The following COL4A5 variants were observed in gnomAD, a reference collection of about 807,000 sequenced individuals.
The protein encoded by COL4A5 is collagen alpha-5(IV) chain.
COL4A5 carries 26 observed loss-of-function variants against 130.2 expected under a neutral mutation model. The ratio of observed to expected loss-of-function variants is 0.20; its 90% CI spans 0.15 to 0.28. The LOEUF (loss-of-function observed/expected upper bound fraction) is 0.28, where lower values mean the gene tolerates loss of function less well. Among genes scored for constraint, COL4A5 ranks in the 10% least tolerant of loss-of-function variants. The pLI is 1.00. For missense variants in COL4A5, 1,131 were observed against 1,344.3 expected, an observed-to-expected ratio of 0.84 and a Z score of 2.48; for synonymous variants, 496 against 439.6, an observed-to-expected ratio of 1.13 and a Z score of -1.60.
At chrX:108,457,668 C>T (rs189394525) in intron 1 of COL4A5, among the ~76,000 whole-genome samples, 2 of 111,553 alleles carry the variant, frequency 1.8e-5, no homozygotes, top group African/African-American at 6.5e-5. Context: ...TAACTACTGC[C>T]GTAATCAAGA....
intron 28 of COL4A5, among the ~76,000 whole-genome samples, chrX:108,603,502 T>C (rs2066677827): frequency 8.9e-6 from 1 of 111,989 alleles, no homozygotes; most frequent in Non-Finnish European, 1.9e-5. Context: ...AAAAACCATA[T>C]GCATACCTTA....
intron 1 of COL4A5, among the ~76,000 whole-genome samples, chrX:108,491,139 A>G (rs1218634127): frequency 8.9e-6 from 1 of 111,821 alleles, no homozygotes; most frequent in Non-Finnish European, 1.9e-5. Flanking sequence ...TTTATGGTAG[A>G]ATACTCATGA....
At chrX:108,583,387 C>T (rs2066281865) in intron 17 of COL4A5, among the ~76,000 whole-genome samples, 1 of 111,501 alleles carries the variant, frequency 9.0e-6, no homozygotes, top group South Asian at 3.7e-4. Context: ...GTTTTTTCCC[C>T]CCTACTGGGC....
intron 11 of COL4A5, 23 bp downstream of exon 11, chrX:108,578,010 C>T (rs2066181420): frequency 8.3e-7 from 1 of 1,201,087 alleles, no homozygotes; most frequent in African/African-American, 1.8e-5. Context: ...TTCTTTATAT[C>T]TTTTATTTGG....
At chrX:108,633,056 G>T in intron 36 of COL4A5, among the ~76,000 whole-genome samples, 1 of 111,577 alleles carries the variant, frequency 9.0e-6, no homozygotes, top group East Asian at 2.8e-4. Flanking sequence ...GTTTGCAGAT[G>T]ACATGATTGT....
At chrX:108,606,930 C>T (rs202141742) in intron 29 of COL4A5, 38 bp downstream of exon 29, 3 of 1,197,868 alleles carry the variant, frequency 2.5e-6, no homozygotes, top group Admixed American at 4.4e-5. Context: ...TTGCTTTTAA[C>T]TTTTATAGAA....
At chrX:108,539,420 T>A (rs1178877596) in intron 1 of COL4A5, among the ~76,000 whole-genome samples, 2 of 111,998 alleles carry the variant, frequency 1.8e-5, no homozygotes, top group Non-Finnish European at 3.8e-5. Context: ...GTTTTTGTTG[T>A]TGTAAGTAGA....
rs1274014901 is a variant in COL4A5, at chrX:108,614,957, G to A, written c.2442G>A (p.Gly814=). 1 of 1,208,887 alleles carries A rather than the reference G, an allele frequency of 8.3e-7. No individual in the cohort carries two copies. Among genetic ancestry groups the A allele is most frequent in the African/African-American group, 1.8e-5 (1 of 57,022 alleles). The part of the protein sequence containing the change: ...NGQPGPMGPP[G]LPGIGVQGPP... ...AACCTGGACCAATGGGACCTCCTGG[G>A]CTGCCAGGAATAGGTGTTCAGGGAC... The change falls in exon 30 of 53, where the codon GGG becomes GGA. Residue 814 remains glycine (G), a synonymous_variant. Coordinates refer to ENST00000328300, the MANE Select transcript of COL4A5 (RefSeq NM_033380.3).
At chrX:108,473,595 T>TTATATATATATATATGTATATATATA (rs1569474829) in intron 1 of COL4A5, among the ~76,000 whole-genome samples, 4 of 59,571 alleles carry the variant, frequency 6.7e-5, no homozygotes, top group African/African-American at 1.7e-4. Flanking sequence ...ATATAAAGTT[T>TTATATATATATATATGTATATATATA]TATATATATA....
intron 21 of COL4A5, among the ~76,000 whole-genome samples, chrX:108,593,932 T>C (rs763110415): frequency 6.2e-5 from 7 of 112,407 alleles, no homozygotes; most frequent in African/African-American, 2.3e-4. Context: ...TCTTCTTTTC[T>C]ATATAAACTC....
chrX:108,534,732 C>G (rs1569482284), intron 1 of COL4A5, among the ~76,000 whole-genome samples: 3 of 111,432 alleles, frequency 2.7e-5, no homozygotes, highest in African/African-American at 9.8e-5. Context: ...TCTGTCTTGT[C>G]TTTTTTGATG....
chrX:108,584,842 A>G (rs183359218), intron 18 of COL4A5, among the ~76,000 whole-genome samples: 87 of 106,061 alleles, frequency 8.2e-4, no homozygotes, highest in African/African-American at 2.7e-3. Context: ...CAAAGGTTCA[A>G]TGAAAACAAC....
In COL4A5 at chrX:108,621,785, T is replaced by C. The variant is rs1335654325; in HGVS notation, c.2678-18T>C. 1 of 1,149,223 alleles carries C rather than the reference T, an allele frequency of 8.7e-7. No individual in the cohort carries two copies. Among genetic ancestry groups the C allele is most frequent in the South Asian group, 1.8e-5 (1 of 55,064 alleles). The allele number at this position is 1,149,223 out of a possible 1,213,427, so 94.7% of individuals were successfully genotyped here. A position where few individuals can be genotyped will look rare whatever the true frequency, so the allele number is the denominator to read the frequency against. On this transcript the variant is annotated intron_variant, in intron 31 of 52. Transcript: ENST00000328300. ...AAGTCAAAGAAAGGCAAACATTACT[T>C]ATTGATATTCTTCAAAGGTACCAAA...
chrX:108,627,364 A>T, intron 36 of COL4A5: 1 of 731,565 alleles, frequency 1.4e-6, no homozygotes, highest in Non-Finnish European at 1.6e-6. Context: ...ATAAATTTGA[A>T]TTCCTTGTTC....
chrX:108,485,956 G>A (rs2064940737), intron 1 of COL4A5, among the ~76,000 whole-genome samples: 2 of 111,564 alleles, frequency 1.8e-5, no homozygotes, highest in Non-Finnish European at 3.8e-5. Context: ...AGCCTGCAGT[G>A]GTGAGCCTTG....
At chrX:108,646,075 T>A (rs1363816009) in intron 36 of COL4A5, among the ~76,000 whole-genome samples, 1 of 119 alleles carries the variant, frequency 8.4e-3, no homozygotes, top group East Asian at 0.33. Context: ...GCATGATTTA[T>A]AATCCTTTGG....
rs1203616884 is a variant in COL4A5 at position 108,473,633 on chromosome X, A to ATTTTTTTTT, written c.81+33432_81+33440dup. Among the ~76,000 whole-genome samples, 15 of 34,564 alleles carry ATTTTTTTTT rather than the reference A, an allele frequency of 4.3e-4. 1 individual carries two copies. Among genetic ancestry groups the ATTTTTTTTT allele is most frequent in the East Asian group, 1.9e-3 (4 of 2,060 alleles). 30.0% of individuals were successfully genotyped at this position (34,564 alleles called of 115,157 possible). A position where few individuals can be genotyped will look rare whatever the true frequency, so the allele number is the denominator to read the frequency against. The stretch of plus-strand genomic sequence containing the variant: ...TATATGTATATATATATATATATAT[A>ATTTTTTTTT]TTTTTTTTTTTTTGAGATGAAGTCT... On this transcript the variant is annotated intron_variant, in intron 1 of 52. Coordinates refer to ENST00000328300, the MANE Select transcript of COL4A5 (RefSeq NM_033380.3).
chrX:108,526,694 T>G (rs2065328202), intron 1 of COL4A5, among the ~76,000 whole-genome samples: 1 of 89,801 alleles, frequency 1.1e-5, no homozygotes, highest in Admixed American at 1.3e-4. Flanking sequence ...TCTTTCTTTC[T>G]TTCTTTCTTT....
chrX:108,568,969 CTATA>C (rs778122777), intron 6 of COL4A5, 148 bp downstream of exon 6: 2 of 479,300 alleles, frequency 4.2e-6, no homozygotes. Flanking sequence ...CTATAATTTT[CTATA>C]TATTGAACTA....
Sources: allele counts gnomAD v4.1 joint callset (sites outside exome capture counted in the v4.1 genomes callset), GRCh38; gene constraint gnomAD v4.1.1; transcripts MANE v1.5; gene names NCBI Gene and HGNC (gene_info 2026-07-23, HGNC 2026-07-21).